Variants in PSMA8 observed in about 807,000 individuals in gnomAD.
PSMA8 encodes the protein proteasome 20S subunit alpha 8.
A neutral mutation model predicts 32.4 loss-of-function variants in PSMA8; 18 were observed. The observed-to-expected ratio is 0.56, with a 90% confidence interval of 0.38 to 0.82. The LOEUF (loss-of-function observed/expected upper bound fraction) is 0.82. Ranked by LOEUF, PSMA8 falls within the 40% of genes least tolerant of loss-of-function variation. The probability of loss-of-function intolerance (pLI) is 0.00; values close to 1 mark genes in which losing one functional copy is unlikely to be tolerated. For synonymous variants in PSMA8, 104 were observed against 98.1 expected, an observed-to-expected ratio of 1.06 and a Z score of -0.36; for missense variants, 298 against 300.7, an observed-to-expected ratio of 0.99 and a Z score of 0.07.
In PSMA8 at chr18:26,178,890, G is replaced by A; in HGVS notation, c.538G>A (p.Glu180Lys). The A allele has an allele frequency of 6.2e-7, 1 of 1,613,846 alleles. No homozygotes were observed. The highest frequency in any genetic ancestry group is 8.5e-7 in the Non-Finnish European group (1 of 1,179,800). The change falls in exon 5 of 7, where the codon GAA becomes AAA. Residue 180 changes from glutamate to lysine, a missense_variant. Transcript: ENST00000415576. Reference protein sequence around the residue: ...VREFLEKNYTEDAIASDSEAI... With the variant: ...VREFLEKNYTKDAIASDSEAI... ...AGAATTTCTAGAAAAGAATTACACA[G>A]AAGATGCCATAGCAAGTGACAGTGA...
intron 1 of PSMA8, among the ~76,000 whole-genome samples, chr18:26,141,268 A>G (rs1029177479): frequency 6.6e-6 from 1 of 152,166 alleles, no homozygotes; most frequent in African/African-American, 2.4e-5. Flanking sequence ...TTAAAAAAAT[A>G]AAATGATAAA....
In PSMA8 at chr18:26,133,890, G is replaced by A; in HGVS notation, c.-76G>A. On this transcript the variant is annotated 5_prime_UTR_variant, in exon 1 of 7. The change creates a new upstream start codon in the 5' untranslated region. Coordinates refer to ENST00000415576, the MANE Select transcript of PSMA8 (RefSeq NM_001025096.2). ...AAGCGCTTCCGGGCGGTAGCACGCT[G>A]TGTTGGCGGCGGCTCCCCGCTTGCC... 1.5e-6 allele frequency: 2 copies of A among 1,290,688 alleles called. No individual in the cohort carries two copies. The highest frequency in any genetic ancestry group is 2.2e-6 in the Non-Finnish European group (2 of 893,080). 80.0% of individuals were successfully genotyped at this position (1,290,688 alleles called of 1,614,324 possible). A position where few individuals can be genotyped will look rare whatever the true frequency, so the allele number is the denominator to read the frequency against.
intron 2 of PSMA8, among the ~76,000 whole-genome samples, chr18:26,146,980 A>C (rs2055008592): frequency 6.6e-6 from 1 of 152,122 alleles, no homozygotes; most frequent in Non-Finnish European, 1.5e-5. Context: ...TCACATGGCC[A>C]GAGCAGGAAG....
chr18:26,186,248 CAAAAAAAA>C (rs534639436), intron 6 of PSMA8, among the ~76,000 whole-genome samples: 1 of 27,828 alleles, frequency 3.6e-5, no homozygotes, highest in Non-Finnish European at 1.1e-4. Context: ...GACTCTGTCT[CAAAAAAAA>C]AAAAAAAAAA....
At chr18:26,173,966 G>A (rs562139929) in intron 4 of PSMA8, among the ~76,000 whole-genome samples, 51 of 151,880 alleles carry the variant, frequency 3.4e-4, no homozygotes, top group Non-Finnish European at 6.5e-4. Flanking sequence ...ATAACATAAT[G>A]CTGTCTACTT....
chr18:26,173,273 C>G (rs185213496), intron 4 of PSMA8, among the ~76,000 whole-genome samples: 1 of 152,236 alleles, frequency 6.6e-6, no homozygotes, highest in Non-Finnish European at 1.5e-5. Flanking sequence ...CAGATGTGTA[C>G]TTTCCTCAGG....
chr18:26,171,522 TCAGGAGTTTGAGACCAGC>T (rs1403611615), intron 4 of PSMA8, among the ~76,000 whole-genome samples: 1 of 152,176 alleles, frequency 6.6e-6, no homozygotes, highest in Admixed American at 6.6e-5. Flanking sequence ...TCACTTGAAG[TCAGGAGTTTGAGACCAGC>T]CTGGCCAACA....
At chr18:26,175,398 G>A (rs2055255949) in intron 4 of PSMA8, among the ~76,000 whole-genome samples, 1 of 152,188 alleles carries the variant, frequency 6.6e-6, no homozygotes, top group African/African-American at 2.4e-5. Context: ...TCGCAATAAA[G>A]GCTTCAGTTG....
rs534748526 is a variant in PSMA8, at chr18:26,139,070, T to C, written c.102+5003T>C. 2.4e-4 allele frequency among the ~76,000 whole-genome samples: 36 copies of C among 152,328 alleles called. 1 individual carries two copies. The highest frequency in any genetic ancestry group is 1.4e-3 in the Admixed American group (22 of 15,292). ...ATGCCCTTGTATAACCTTCCTCCCTTGGATGTGGGCTGAACTTAGTGACTT... is the reference window on the plus strand; with the variant it reads ...ATGCCCTTGTATAACCTTCCTCCCTCGGATGTGGGCTGAACTTAGTGACTT... On this transcript the variant is annotated intron_variant, in intron 1 of 6. Transcript: ENST00000415576.
chr18:26,191,173 G>A (rs1181633067), intron 6 of PSMA8, among the ~76,000 whole-genome samples: 3 of 152,012 alleles, frequency 2.0e-5, no homozygotes, highest in African/African-American at 7.3e-5. Flanking sequence ...TTCTAGTGAT[G>A]GACTAATAGC....
chr18:26,134,275 ATC>A (rs994473226), intron 1 of PSMA8, among the ~76,000 whole-genome samples: 4 of 146,880 alleles, frequency 2.7e-5, no homozygotes, highest in Non-Finnish European at 4.6e-5. Context: ...GATTTCCCCT[ATC>A]TCTGCTGTTC....
At chr18:26,172,390 A>G (rs1009728261) in intron 4 of PSMA8, among the ~76,000 whole-genome samples, 7 of 152,224 alleles carry the variant, frequency 4.6e-5, no homozygotes, top group African/African-American at 1.7e-4. Flanking sequence ...TAGACTGGAA[A>G]TAGATTTACA....
chr18:26,167,795 A>G (rs1314550342), intron 4 of PSMA8, among the ~76,000 whole-genome samples: 1 of 152,094 alleles, frequency 6.6e-6, no homozygotes, highest in Non-Finnish European at 1.5e-5. Context: ...TTTAGCCTCT[A>G]GAACTTTGAG....
At chr18:26,161,363 T>C (rs969562860) in intron 4 of PSMA8, among the ~76,000 whole-genome samples, 1 of 152,220 alleles carries the variant, frequency 6.6e-6, no homozygotes, top group Admixed American at 6.5e-5. Context: ...CAGGATCTTA[T>C]AGAACAGAAC....
intron 4 of PSMA8, among the ~76,000 whole-genome samples, chr18:26,163,201 T>TTA: frequency 8.7e-6 from 1 of 115,342 alleles, no homozygotes; most frequent in Admixed American, 9.2e-5. Context: ...TGGTGTGTGT[T>TTA]TATGTGTGTG....
In PSMA8 at chr18:26,193,041, T is replaced by G. The variant is rs2055416585; in HGVS notation, c.*630T>G. 1 of 152,218 alleles carries G rather than the reference T, an allele frequency of 6.6e-6. No individual in the cohort carries two copies. The highest frequency in any genetic ancestry group is 2.4e-5 in the African/African-American group (1 of 41,462). The allele number at this position is 152,218 out of a possible 1,614,324, so 9.4% of individuals were successfully genotyped here. A position where few individuals can be genotyped will look rare whatever the true frequency, so the allele number is the denominator to read the frequency against. ...TGAATTCAAACATGCAATTAAAGCA[T>G]GGGAAGAGCTTCTAAGGGCATCTTA... On this transcript the variant is annotated 3_prime_UTR_variant, in exon 7 of 7. Coordinates refer to ENST00000415576, the MANE Select transcript of PSMA8 (RefSeq NM_001025096.2).
intron 2 of PSMA8, among the ~76,000 whole-genome samples, chr18:26,145,866 G>A (rs1454929492): frequency 1.3e-5 from 2 of 152,020 alleles, no homozygotes; most frequent in African/African-American, 4.8e-5. Context: ...ATTTCTCTGG[G>A]ACAAATTCCT....
chr18:26,186,056 T>C (rs941303610), intron 6 of PSMA8, among the ~76,000 whole-genome samples: 1 of 149,072 alleles, frequency 6.7e-6, no homozygotes, highest in African/African-American at 2.5e-5. Context: ...CTGGCCAACA[T>C]AGTGAAACCC....
chr18:26,164,585 T>G (rs2144318490), intron 4 of PSMA8, among the ~76,000 whole-genome samples: 1 of 152,328 alleles, frequency 6.6e-6, no homozygotes, highest in South Asian at 2.1e-4. Context: ...CAGCTAAATC[T>G]CAGTTGTAAA....
Sources: allele counts gnomAD v4.1 joint callset (sites outside exome capture counted in the v4.1 genomes callset), GRCh38; gene constraint gnomAD v4.1.1; transcripts MANE v1.5; gene names NCBI Gene and HGNC (gene_info 2026-07-23, HGNC 2026-07-21).